Variants in CPEB3 observed in about 807,000 individuals in gnomAD.
The protein encoded by CPEB3 is cytoplasmic polyadenylation element-binding protein 3.
CPEB3 carries 20 observed loss-of-function variants against 67.2 expected under a neutral mutation model. The observed-to-expected ratio is 0.30, with a 90% CI of 0.21 to 0.43. CPEB3 has a LOEUF of 0.43. CPEB3 is among the 20% of genes least tolerant of loss of function. The pLI, the probability that CPEB3 is intolerant of heterozygous loss-of-function variation, is 1.00. For missense variants in CPEB3, 746 were observed against 968.6 expected (o/e 0.77, Z 3.05); for synonymous variants, 376 against 393.1 (o/e 0.96, Z 0.51).
chr10:92,267,408 G>A (rs762175104), intron 1 of CPEB3, among the ~76,000 whole-genome samples: 9 of 152,198 alleles, frequency 5.9e-5, no homozygotes, highest in Non-Finnish European at 1.2e-4. Context: ...GAGCTAGAGG[G>A]TAAGTGGACC....
intron 8 of CPEB3, among the ~76,000 whole-genome samples, chr10:92,082,264 C>CTG (rs771124206): frequency 6.6e-6 from 1 of 150,754 alleles, no homozygotes; most frequent in African/African-American, 2.5e-5. Flanking sequence ...CTAAATATGC[C>CTG]TTTGTTTGTT....
chr10:92,268,677 G>A (rs997526946), intron 1 of CPEB3, among the ~76,000 whole-genome samples: 4 of 152,010 alleles, frequency 2.6e-5, no homozygotes, highest in Non-Finnish European at 5.9e-5. Context: ...AAACACTACT[G>A]AACATTTTTG....
At chr10:92,169,530 G>A (rs988772013) in intron 4 of CPEB3, among the ~76,000 whole-genome samples, 1 of 152,236 alleles carries the variant, frequency 6.6e-6, no homozygotes, top group Non-Finnish European at 1.5e-5. Context: ...AAGCAAGGCT[G>A]TTCAAGTTCA....
At chr10:92,244,144 C>A (rs1032938101) in intron 1 of CPEB3, among the ~76,000 whole-genome samples, 1 of 151,922 alleles carries the variant, frequency 6.6e-6, no homozygotes, top group Non-Finnish European at 1.5e-5. Context: ...GTCAGGAGTT[C>A]GAGACCAGCC....
rs1275456358 is a variant in CPEB3 at position 92,111,190 on chromosome 10, A to G, written c.1458T>C (p.Tyr486=). The change falls in exon 7 of 10, where the codon TAT becomes TAC. Residue 486 remains tyrosine (Y), a synonymous_variant. Transcript: ENST00000265997. ...ESKSYFPPKG[Y]AFLLFQEESS... ...TTTCCTCTTGGAACAGCAGAAAGGC[A>G]TAGCCTTGGGGAGAGCAAAAACAAA... The G allele has an allele frequency of 2.5e-6, 4 of 1,608,276 alleles. No individual in the cohort carries two copies. The highest frequency in any genetic ancestry group is 1.3e-5 in the African/African-American group (1 of 74,818).
chr10:92,271,365 CTTATT>C (rs1364321427), intron 1 of CPEB3, among the ~76,000 whole-genome samples: 3 of 152,086 alleles, frequency 2.0e-5, no homozygotes, highest in Non-Finnish European at 4.4e-5. Flanking sequence ...TTATCATGAG[CTTATT>C]TTAACAATTG....
intron 6 of CPEB3, among the ~76,000 whole-genome samples, chr10:92,118,244 G>T (rs935026139): frequency 6.6e-6 from 1 of 152,138 alleles, no homozygotes. Flanking sequence ...TGATTCTCCT[G>T]CCTCAGCCTA....
intron 4 of CPEB3, among the ~76,000 whole-genome samples, chr10:92,163,271 C>A (rs1471424513): frequency 2.6e-5 from 4 of 152,098 alleles, no homozygotes; most frequent in East Asian, 3.9e-4. Context: ...CTTGTCTCTA[C>A]TAAAAATACA....
At chr10:92,096,611 G>C (rs562689348) in intron 7 of CPEB3, among the ~76,000 whole-genome samples, 1 of 151,982 alleles carries the variant, frequency 6.6e-6, no homozygotes, top group South Asian at 2.1e-4. Context: ...CTTCTTCCTG[G>C]AGCAGCCTGA....
chr10:92,138,380 T>C (rs1042483364), intron 6 of CPEB3: 1 of 188,206 alleles, frequency 5.3e-6, no homozygotes, highest in Admixed American at 5.2e-5. Flanking sequence ...TGAGGGGCTA[T>C]CCTGCTACCT....
chr10:92,169,425 C>T (rs1428459202), intron 4 of CPEB3, among the ~76,000 whole-genome samples: 1 of 152,236 alleles, frequency 6.6e-6, no homozygotes, highest in African/African-American at 2.4e-5. Context: ...AGGCGTGAGC[C>T]ACTGCACCTG....
chr10:92,289,318 G>A (rs981861571), intron 1 of CPEB3, among the ~76,000 whole-genome samples: 1 of 151,920 alleles, frequency 6.6e-6, no homozygotes, highest in Non-Finnish European at 1.5e-5. Context: ...CGGGCTGATC[G>A]CCTGAGGTCA....
At chr10:92,069,126 G>A (rs1039829238) in intron 9 of CPEB3, among the ~76,000 whole-genome samples, 1 of 152,070 alleles carries the variant, frequency 6.6e-6, no homozygotes, top group Admixed American at 6.5e-5. Context: ...TTCCTGCTGT[G>A]GTCAGGAACA....
intron 1 of CPEB3, among the ~76,000 whole-genome samples, chr10:92,278,067 T>C (rs895147322): frequency 6.7e-6 from 1 of 149,314 alleles, no homozygotes; most frequent in Admixed American, 6.7e-5. Flanking sequence ...GTGCCTGTAA[T>C]CCCAGTTACT....
At chr10:92,192,356 G>T in intron 3 of CPEB3, 121 bp downstream of exon 3, 2 of 938,568 alleles carry the variant, frequency 2.1e-6, no homozygotes, top group Non-Finnish European at 3.2e-6. Flanking sequence ...ATTCCACAAT[G>T]CTTTACAGAA....
chr10:92,168,712 C>T (rs1847860708), intron 4 of CPEB3, among the ~76,000 whole-genome samples: 2 of 151,268 alleles, frequency 1.3e-5, no homozygotes, highest in South Asian at 4.2e-4. Context: ...GATGTGTTTG[C>T]TTCCCCTTCT....
At chr10:92,228,510 G>C (rs1217731523) in intron 2 of CPEB3, among the ~76,000 whole-genome samples, 2 of 151,958 alleles carry the variant, frequency 1.3e-5, no homozygotes, top group Non-Finnish European at 2.9e-5. Flanking sequence ...TTGAGTAGGG[G>C]GTTCGATTGT....
At chr10:92,065,980 C>A (rs909743630) in intron 9 of CPEB3, among the ~76,000 whole-genome samples, 2 of 151,960 alleles carry the variant, frequency 1.3e-5, no homozygotes, top group African/African-American at 4.8e-5. Context: ...TCCTGTGGTT[C>A]CAGCTACTCG....
chr10:92,067,674 T>C (rs1279161778), intron 9 of CPEB3, among the ~76,000 whole-genome samples: 2 of 148,024 alleles, frequency 1.4e-5, no homozygotes, highest in Admixed American at 6.7e-5. Flanking sequence ...CAAAATTAGC[T>C]GGGCGTGGTG....
Sources: allele counts gnomAD v4.1 joint callset (sites outside exome capture counted in the v4.1 genomes callset), GRCh38; gene constraint gnomAD v4.1.1; transcripts MANE v1.5; gene names NCBI Gene and HGNC (gene_info 2026-07-23, HGNC 2026-07-21).